Variants in PTPRN2 observed in about 807,000 individuals in gnomAD.
The protein encoded by PTPRN2 is protein tyrosine phosphatase receptor type N2, also known as receptor-type tyrosine-protein phosphatase N2.
In PTPRN2, 74 loss-of-function variants were observed where a neutral mutation model predicts 118.8. The ratio of observed to expected loss-of-function variants is 0.62; its 90% CI spans 0.52 to 0.76. The LOEUF is 0.76. Among genes scored for constraint, PTPRN2 ranks in the 30% least tolerant of loss-of-function variants. The pLI is 0.00. For synonymous variants in PTPRN2, 641 were observed against 608.0 expected, an observed-to-expected ratio of 1.05 and a Z score of -0.80; for missense variants, 1,481 against 1,394.4, an observed-to-expected ratio of 1.06 and a Z score of -0.99.
At chr7:158,522,871 G>C (rs896274193) in intron 1 of PTPRN2, among the ~76,000 whole-genome samples, 1 of 152,190 alleles carries the variant, frequency 6.6e-6, no homozygotes, top group Non-Finnish European at 1.5e-5. Flanking sequence ...TTCTGTGTGT[G>C]GCAGATGTGG....
At chr7:158,549,996 C>T (rs1453724376) in intron 1 of PTPRN2, among the ~76,000 whole-genome samples, 2 of 152,230 alleles carry the variant, frequency 1.3e-5, no homozygotes, top group African/African-American at 2.4e-5. Flanking sequence ...CGCGCCTCGC[C>T]GTCCTCCCCT....
At chr7:157,882,811 A>G (rs1414474971) in intron 12 of PTPRN2, among the ~76,000 whole-genome samples, 1 of 150,264 alleles carries the variant, frequency 6.7e-6, no homozygotes, top group Non-Finnish European at 1.5e-5. Context: ...ACCAGAACAC[A>G]CCACCCCCCA....
intron 2 of PTPRN2, among the ~76,000 whole-genome samples, chr7:158,424,905 G>C (rs1157191760): frequency 6.6e-6 from 1 of 152,094 alleles, no homozygotes; most frequent in African/African-American, 2.4e-5. Context: ...AAGGTCCGGG[G>C]ATCTCGGGGC....
At chr7:158,024,858 G>A (rs932719164) in intron 11 of PTPRN2, among the ~76,000 whole-genome samples, 12 of 152,308 alleles carry the variant, frequency 7.9e-5, no homozygotes, top group African/African-American at 2.6e-4. Flanking sequence ...TTAGAAAAAT[G>A]TCATACACAC....
intron 12 of PTPRN2, among the ~76,000 whole-genome samples, chr7:157,886,712 T>C (rs2151296552): frequency 6.7e-6 from 1 of 150,222 alleles, no homozygotes; most frequent in African/African-American, 2.5e-5. Flanking sequence ...AGAAAAAGAG[T>C]GAGAAGAGCA....
At chr7:157,873,540 T>C (rs111384968) in intron 12 of PTPRN2, among the ~76,000 whole-genome samples, 173 of 126,082 alleles carry the variant, frequency 1.4e-3, no homozygotes, top group Non-Finnish European at 1.6e-3. Flanking sequence ...CCTCAAGGTC[T>C]GTCTCGTCGT....
At chr7:157,604,952 C>T (rs966263431) in intron 15 of PTPRN2, among the ~76,000 whole-genome samples, 5 of 152,250 alleles carry the variant, frequency 3.3e-5, no homozygotes, top group Non-Finnish European at 2.9e-5. Flanking sequence ...GCCCCTCCTG[C>T]ACCTCCCAAC....
At chr7:157,766,799 C>T (rs1461480591) in intron 12 of PTPRN2, among the ~76,000 whole-genome samples, 2 of 152,268 alleles carry the variant, frequency 1.3e-5, no homozygotes, top group African/African-American at 4.8e-5. Context: ...GGCCACTTTG[C>T]AGGTGGCTCT....
intron 13 of PTPRN2, among the ~76,000 whole-genome samples, chr7:157,658,503 C>T (rs932631354): frequency 6.6e-6 from 1 of 152,196 alleles, no homozygotes; most frequent in Non-Finnish European, 1.5e-5. Flanking sequence ...CAAAGCTCAA[C>T]CACACACGCG....
At chr7:158,475,773 G>A (rs568573832) in intron 2 of PTPRN2, among the ~76,000 whole-genome samples, 45 of 152,138 alleles carry the variant, frequency 3.0e-4, no homozygotes, top group Non-Finnish European at 4.1e-4. Flanking sequence ...CTTGGTTAAC[G>A]GGTAATTTAT....
In PTPRN2 at chr7:157,892,715, AT is replaced by A; in HGVS notation, c.1788+5957del. Among the ~76,000 whole-genome samples, 3 of 152,368 alleles carry A rather than the reference AT, an allele frequency of 2.0e-5. No homozygotes were observed. The South Asian group carries it at 6.2e-4, about 32-fold the overall frequency. On this transcript the variant is annotated intron_variant, in intron 12 of 22. Coordinates refer to ENST00000389418, the MANE Select transcript of PTPRN2 (RefSeq NM_002847.5). ...AAGGCAATTAAAATTAGAAAAAAAA[AT>A]CATTAGCTGTTAAATAATTTATCAA... is the stretch of plus-strand genomic sequence containing the variant.
At chr7:158,325,860 G>C (rs1803464928) in intron 2 of PTPRN2, among the ~76,000 whole-genome samples, 1 of 152,366 alleles carries the variant, frequency 6.6e-6, no homozygotes, top group Non-Finnish European at 1.5e-5. Context: ...ACTGTCTACA[G>C]TAAACACCAA....
intron 2 of PTPRN2, among the ~76,000 whole-genome samples, chr7:158,478,712 G>A (rs73729644): frequency 0.026 from 4,033 of 152,216 alleles, 157 homozygotes; most frequent in African/African-American, 0.08. Flanking sequence ...GGGGGCAGAC[G>A]AGAAACACAA....
intron 3 of PTPRN2, among the ~76,000 whole-genome samples, chr7:158,278,364 T>G (rs1373151287): frequency 6.8e-6 from 1 of 147,920 alleles, no homozygotes; most frequent in Non-Finnish European, 1.5e-5. Flanking sequence ...AAAAAAAAAT[T>G]CAGCTGGACG....
At chr7:158,069,078 G>A (rs1036548885) in intron 11 of PTPRN2, among the ~76,000 whole-genome samples, 4 of 152,160 alleles carry the variant, frequency 2.6e-5, no homozygotes, top group African/African-American at 9.7e-5. Flanking sequence ...TTAGTGAAGC[G>A]GCCTCATCTT....
At chr7:157,643,945 C>G (rs1035681985) in intron 14 of PTPRN2, among the ~76,000 whole-genome samples, 1 of 152,350 alleles carries the variant, frequency 6.6e-6, no homozygotes, top group South Asian at 2.1e-4. Flanking sequence ...CTCACCAGTG[C>G]GGGGAGACTG....
At chr7:158,316,741 AC>A in intron 3 of PTPRN2, 77 bp downstream of exon 3, 1 of 1,089,014 alleles carries the variant, frequency 9.2e-7, no homozygotes, top group Non-Finnish European at 1.3e-6. Flanking sequence ...CCAGCTCCTC[AC>A]CGCCCAGGAG....
chr7:158,433,161 A>G (rs1406222884), intron 2 of PTPRN2, among the ~76,000 whole-genome samples: 1 of 152,240 alleles, frequency 6.6e-6, no homozygotes, highest in African/African-American at 2.4e-5. Flanking sequence ...ATTTAATTGC[A>G]TGGAACATCC....
rs1291448793 is a variant in PTPRN2, at chr7:157,609,948, C to T, written c.2345-5873G>A. Among the ~76,000 whole-genome samples the T allele has an allele frequency of 6.6e-6, 1 of 152,204 alleles. No individual in the cohort carries two copies. The highest frequency in any genetic ancestry group is 2.4e-5 in the African/African-American group (1 of 41,438). ...CAGCTAAGCATGCTAGAGGACGCGG[C>T]GGTATAGTCATTAATCATGATCTAG... On this transcript the variant is annotated intron_variant, in intron 15 of 22. Coordinates refer to ENST00000389418, the MANE Select transcript of PTPRN2 (RefSeq NM_002847.5). The surrounding 1 kb of genome is among the most constrained non-coding windows in gnomAD (Gnocchi z 4.9).
Sources: gnomAD v4.1 joint callset for allele counts (sites outside exome capture counted in the v4.1 genomes callset) on GRCh38, gnomAD v4.1.1 for gene constraint, Gnocchi (gnomAD v3.1) non-coding constraint, MANE v1.5 for transcripts, NCBI Gene and HGNC (gene_info 2026-07-23, HGNC 2026-07-21) for gene names.